The following EIF4G3 variants were observed in gnomAD, a reference collection of about 807,000 sequenced individuals.
EIF4G3 encodes eukaryotic translation initiation factor 4 gamma 3.
Under a neutral mutation model 186.4 loss-of-function variants are expected in EIF4G3, and 34 were observed. The observed-to-expected ratio is 0.18, with a 90% CI of 0.14 to 0.24. The LOEUF (loss-of-function observed/expected upper bound fraction) is 0.24. Among genes scored for constraint, EIF4G3 ranks in the 10% least tolerant of loss-of-function variants. EIF4G3 has a pLI of 1.00. For missense variants in EIF4G3, 1,536 were observed against 1,948.5 expected (o/e 0.79, Z 3.99); for synonymous variants, 673 against 679.5 (o/e 0.99, Z 0.15).
intron 7 of EIF4G3, among the ~76,000 whole-genome samples, chr1:20,987,319 T>C (rs551889089): frequency 2.3e-4 from 35 of 152,396 alleles, no homozygotes; most frequent in African/African-American, 8.2e-4. Context: ...AAATCCTATT[T>C]AATCACATTA....
intron 6 of EIF4G3, among the ~76,000 whole-genome samples, 171 bp from the exon 7 acceptor site, chr1:20,997,804 G>A (rs2082620994): frequency 6.6e-6 from 1 of 151,854 alleles, no homozygotes; most frequent in Admixed American, 6.6e-5. Flanking sequence ...GTGACAGACA[G>A]GTACTAAGAT....
rs532080986 is a variant in EIF4G3 at position 21,002,611 on chromosome 1, A to G, written c.30+102T>C. Reference sequence around the variant, plus strand: ...TAATAATAAATCATCTTTGGAACAAACTTCCAAAATCCAGTAAAAATATTT... The same window carrying G: ...TAATAATAAATCATCTTTGGAACAAGCTTCCAAAATCCAGTAAAAATATTT... On this transcript the variant is annotated intron_variant, in intron 5 of 36. Coordinates refer to ENST00000602326, the MANE Select transcript of EIF4G3 (RefSeq NM_001391906.1). 3 of 1,237,420 alleles carry G rather than the reference A, an allele frequency of 2.4e-6. No individual in the cohort carries two copies. In the South Asian group the frequency reaches 5.0e-5, roughly 21 times the overall value. The allele number at this position is 1,237,420 out of a possible 1,614,324, so 76.7% of individuals were successfully genotyped here. A position where few individuals can be genotyped will look rare whatever the true frequency, so the allele number is the denominator to read the frequency against.
chr1:20,984,820 C>G (rs2079095393), intron 7 of EIF4G3, among the ~76,000 whole-genome samples: 2 of 152,050 alleles, frequency 1.3e-5, no homozygotes, highest in Non-Finnish European at 2.9e-5. Flanking sequence ...AATCTCCTGA[C>G]CTCGTGATCC....
At chr1:20,888,889 T>C (rs1048221456) in intron 18 of EIF4G3, among the ~76,000 whole-genome samples, 1 of 152,184 alleles carries the variant, frequency 6.6e-6, no homozygotes, top group Non-Finnish European at 1.5e-5. Flanking sequence ...GAATGATTTA[T>C]ATACTAAACA....
Position 20,941,700 on chromosome 1 carries a change from G to A in EIF4G3, c.1454C>T (p.Pro485Leu), listed in dbSNP as rs754976275. 2 of 1,612,520 alleles carry A rather than the reference G, an allele frequency of 1.2e-6. No homozygotes were observed. The highest frequency in any genetic ancestry group is 1.1e-5 in the South Asian group (1 of 90,814). ...PTPPASPPHT[P>L]VIVPAAATTV... ...AGTGGCAGCAGCAGGAACAATGACT[G>A]GAGTGTGAGGAGGAGAAGCTGGAGG... Residue 485 changes from proline (P) to leucine (L), a missense_variant, in exon 14 of 37, where the codon CCA becomes CTA. Pro to Leu is a moderately conservative substitution (Grantham distance 98, BLOSUM62 -3). Transcript: ENST00000602326.
chr1:21,005,034 T>A (rs1239326804), intron 4 of EIF4G3, among the ~76,000 whole-genome samples: 2 of 152,082 alleles, frequency 1.3e-5, no homozygotes, highest in Non-Finnish European at 2.9e-5. Flanking sequence ...TCAAACAGGA[T>A]CTAAAAATAA....
At chr1:20,991,502 A>G (rs2081099586) in intron 7 of EIF4G3, among the ~76,000 whole-genome samples, 1 of 151,616 alleles carries the variant, frequency 6.6e-6, no homozygotes, top group Non-Finnish European at 1.5e-5. Flanking sequence ...TGGGAGGAGG[A>G]GGTTGCAGAG....
At chr1:20,838,999 G>A (rs191135309) in intron 30 of EIF4G3, among the ~76,000 whole-genome samples, 59 of 152,206 alleles carry the variant, frequency 3.9e-4, no homozygotes, top group Non-Finnish European at 6.6e-4. Context: ...TCTTTTTTGA[G>A]AGGGAGTCTT....
chr1:20,853,512 C>A, intron 27 of EIF4G3, 48 bp downstream of exon 27: 3 of 1,260,998 alleles, frequency 2.4e-6, no homozygotes, highest in South Asian at 1.2e-5. Context: ...GCCACACATA[C>A]TGGCAAGCGG....
chr1:20,916,001 A>G (rs539742494), intron 14 of EIF4G3, among the ~76,000 whole-genome samples: 1 of 152,362 alleles, frequency 6.6e-6, no homozygotes, highest in South Asian at 2.1e-4. Context: ...AAGTATACTT[A>G]GCAAGGTTGC....
chr1:21,083,331 T>C (rs557653080), intron 3 of EIF4G3, among the ~76,000 whole-genome samples: 20 of 152,212 alleles, frequency 1.3e-4, no homozygotes, highest in African/African-American at 4.8e-4. Flanking sequence ...GCATAAAACA[T>C]AATATATACA....
intron 14 of EIF4G3, among the ~76,000 whole-genome samples, chr1:20,925,462 A>C (rs2154560437): frequency 6.6e-6 from 1 of 152,360 alleles, no homozygotes; most frequent in East Asian, 1.9e-4. Flanking sequence ...TTATGTTACA[A>C]AAGCCCTAAT....
intron 2 of EIF4G3, among the ~76,000 whole-genome samples, chr1:21,090,017 T>C (rs1416936713): frequency 6.6e-6 from 1 of 152,190 alleles, no homozygotes; most frequent in Non-Finnish European, 1.5e-5. Context: ...ATTCAATAAA[T>C]GAGCAGTGTA....
chr1:20,856,905 G>A (rs989561005), intron 25 of EIF4G3, among the ~76,000 whole-genome samples: 1 of 152,128 alleles, frequency 6.6e-6, no homozygotes, highest in African/African-American at 2.4e-5. Flanking sequence ...GCTCACGCCT[G>A]TAATCCCAGC....
intron 30 of EIF4G3, among the ~76,000 whole-genome samples, chr1:20,839,760 A>G (rs1363908639): frequency 6.6e-6 from 1 of 152,182 alleles, no homozygotes; most frequent in African/African-American, 2.4e-5. Context: ...AAGTGCTGGG[A>G]TTACAGGTGT....
chr1:21,136,995 T>C (rs922672497), intron 2 of EIF4G3, among the ~76,000 whole-genome samples: 5 of 152,112 alleles, frequency 3.3e-5, no homozygotes, highest in African/African-American at 1.2e-4. Flanking sequence ...TTTTATATGA[T>C]GTCTTAATAA....
intron 2 of EIF4G3, among the ~76,000 whole-genome samples, chr1:21,103,780 G>A (rs2096567809): frequency 6.6e-6 from 1 of 152,098 alleles, no homozygotes; most frequent in South Asian, 2.1e-4. Context: ...GGAGGCAGCG[G>A]TTGCAGTGAG....
At chr1:21,024,167 G>T (rs1480194889) in intron 4 of EIF4G3, among the ~76,000 whole-genome samples, 2 of 69,448 alleles carry the variant, frequency 2.9e-5, no homozygotes, top group Admixed American at 1.4e-4. Flanking sequence ...GGAGGGAGGT[G>T]GGGGGGGGTC....
rs1465182373 is a variant in EIF4G3 at position 21,095,894 on chromosome 1, C to A, written c.-271-6681G>T. 6.6e-5 allele frequency among the ~76,000 whole-genome samples: 10 copies of A among 152,046 alleles called. No homozygotes were observed. The East Asian group carries it at 1.5e-3, about 23-fold the overall frequency. The stretch of plus-strand genomic sequence containing the variant: ...AGATAAAAATACACATACACATTTT[C>A]TGTGAGACAAAATGATATTCATATG... On this transcript the variant is annotated intron_variant, in intron 2 of 36. Transcript: ENST00000602326.
Sources: gnomAD v4.1 joint callset for allele counts (sites outside exome capture counted in the v4.1 genomes callset) on GRCh38, gnomAD v4.1.1 for gene constraint, MANE v1.5 for transcripts, NCBI Gene and HGNC (gene_info 2026-07-23, HGNC 2026-07-21) for gene names.